PTPRT: variants seen among roughly 807,000 people sequenced by gnomAD.
The protein encoded by PTPRT is protein tyrosine phosphatase receptor type T.
A neutral mutation model predicts 176.8 loss-of-function variants in PTPRT; 56 were observed. That is an observed-to-expected ratio of 0.32 (90% CI 0.26 to 0.40). PTPRT has a LOEUF of 0.40. PTPRT is among the 10% of genes least tolerant of loss of function. The pLI, the probability that PTPRT is intolerant of heterozygous loss-of-function variation, is 1.00. For missense variants in PTPRT, 1,540 were observed against 1,908.2 expected (o/e 0.81, Z 3.60); for synonymous variants, 783 against 739.0 (o/e 1.06, Z -0.96).
intron 7 of PTPRT, among the ~76,000 whole-genome samples, chr20:42,553,006 C>T (rs533961335): frequency 1.3e-5 from 2 of 152,210 alleles, no homozygotes; most frequent in South Asian, 4.1e-4. Flanking sequence ...CAGCCTGGCC[C>T]TTTTTAGTCT....
rs77011968 is a variant in PTPRT at position 42,107,451 on chromosome 20, C to T, written c.3255-530G>A. ...GTGTCATGAAACTGGAGCAGCTGAC[C>T]GTCCGGAGACCCTTGTCAGGGATCA... On this transcript the variant is annotated intron_variant, in intron 23 of 30. Coordinates refer to ENST00000373187, the MANE Select transcript of PTPRT (RefSeq NM_007050.6). 4.9e-4 allele frequency among the ~76,000 whole-genome samples: 75 copies of T among 152,312 alleles called. 3 individuals are homozygous for T. In the East Asian group the frequency reaches 0.011, roughly 23 times the overall value.
At chr20:42,050,915 T>C in the PTPRT span, among the ~76,000 whole-genome samples, 1 of 152,162 alleles carries the variant, frequency 6.6e-6, no homozygotes, top group African/African-American at 2.4e-5. Context: ...AAAACACAAA[T>C]TTATGAAAAT....
intron 7 of PTPRT, among the ~76,000 whole-genome samples, chr20:42,582,817 A>G (rs1336301754): frequency 6.6e-6 from 1 of 152,116 alleles, no homozygotes; most frequent in Non-Finnish European, 1.5e-5. Flanking sequence ...TCCTTTTCCC[A>G]ATCCAAATTT....
In PTPRT at chr20:42,270,291, G is replaced by A. The variant is rs563558701; in HGVS notation, c.2176+12198C>T. On this transcript the variant is annotated intron_variant, in intron 13 of 30. Coordinates refer to ENST00000373187, the MANE Select transcript of PTPRT (RefSeq NM_007050.6). ...GAATGGGTGGGGGGGTGGGTGGGTG[G>A]GTGGGGTGGAAAGACTGCTGATTCC... is the stretch of plus-strand genomic sequence containing the variant. 8 of 980,206 alleles carry A rather than the reference G, an allele frequency of 8.2e-6. No individual in the cohort carries two copies. In the African/African-American group the frequency reaches 1.3e-4, roughly 16 times the overall value. The allele number at this position is 980,206 out of a possible 1,614,324, so 60.7% of individuals were successfully genotyped here.
At chr20:43,172,236 C>G (rs977468060) in intron 1 of PTPRT, among the ~76,000 whole-genome samples, 3 of 152,232 alleles carry the variant, frequency 2.0e-5, no homozygotes, top group African/African-American at 4.8e-5. Flanking sequence ...AGATCCCAGA[C>G]AGTTCCACTA....
chr20:42,284,964 A>G (rs1262756161), intron 12 of PTPRT, among the ~76,000 whole-genome samples: 1 of 151,558 alleles, frequency 6.6e-6, no homozygotes, highest in Non-Finnish European at 1.5e-5. Flanking sequence ...AAAAGATGAA[A>G]AAAAAAAAAA....
intron 7 of PTPRT, among the ~76,000 whole-genome samples, chr20:42,559,382 T>C (rs1025273297): frequency 2.0e-5 from 3 of 152,180 alleles, no homozygotes; most frequent in Non-Finnish European, 4.4e-5. Context: ...ATATGTAACT[T>C]ATGCAAAGCA....
intron 9 of PTPRT, among the ~76,000 whole-genome samples, chr20:42,365,383 T>G (rs1229459093): frequency 6.6e-6 from 1 of 152,180 alleles, no homozygotes; most frequent in Non-Finnish European, 1.5e-5. Flanking sequence ...ATGTGGTGTA[T>G]AGTTGTATAT....
rs368083321 is a variant in PTPRT at position 42,623,832 on chromosome 20, T to C, written c.1153+54034A>G. Among the ~76,000 whole-genome samples, 10 of 151,748 alleles carry C rather than the reference T, an allele frequency of 6.6e-5. No homozygotes were observed. The East Asian group carries it at 1.5e-3, about 24-fold the overall frequency. On this transcript the variant is annotated intron_variant, in intron 7 of 30. Transcript: ENST00000373187. ...CTTGGCTCTTCTCTCAGGCTAACCTTAGCCCCATTTGCTCTGCTAGAATGT... is the reference window on the plus strand; with the variant it reads ...CTTGGCTCTTCTCTCAGGCTAACCTCAGCCCCATTTGCTCTGCTAGAATGT...
rs1049737044 is a variant in PTPRT at position 42,210,398 on chromosome 20, C to G, written c.2343-11010G>C. Among the ~76,000 whole-genome samples the G allele has an allele frequency of 2.4e-4, 37 of 151,776 alleles. No homozygotes were observed. In the South Asian group the frequency reaches 6.9e-3, roughly 28 times the overall value. On this transcript the variant is annotated intron_variant, in intron 15 of 30. Transcript: ENST00000373187. ...TGACATGATTGTATATCTAGAAAAC[C>G]CCATCGTCTCAGCCCAAAATCTCCT...
chr20:42,574,685 G>A (rs981129981), intron 7 of PTPRT, among the ~76,000 whole-genome samples: 4 of 152,110 alleles, frequency 2.6e-5, no homozygotes, highest in African/African-American at 7.2e-5. Flanking sequence ...GTGGGGGTAG[G>A]GGTTGGGCGA....
At chr20:42,829,365 C>G (rs2078050796) in intron 2 of PTPRT, among the ~76,000 whole-genome samples, 1 of 152,176 alleles carries the variant, frequency 6.6e-6, no homozygotes, top group South Asian at 2.1e-4. Context: ...CACCTCATCT[C>G]AGACAAAACT....
intron 16 of PTPRT, among the ~76,000 whole-genome samples, chr20:42,181,127 A>C (rs1990504686): frequency 6.6e-6 from 1 of 152,208 alleles, no homozygotes; most frequent in African/African-American, 2.4e-5. Flanking sequence ...TTTAAATACA[A>C]TATGATACAT....
At chr20:43,161,691 C>A (rs2014705043) in intron 1 of PTPRT, among the ~76,000 whole-genome samples, 1 of 152,100 alleles carries the variant, frequency 6.6e-6, no homozygotes, top group African/African-American at 2.4e-5. Flanking sequence ...GCTGGCTGTT[C>A]CTGATTTTTT....
chr20:42,093,158 G>A (rs1047296225), intron 27 of PTPRT, among the ~76,000 whole-genome samples: 2 of 152,144 alleles, frequency 1.3e-5, no homozygotes, highest in African/African-American at 2.4e-5. Flanking sequence ...AGTATGGTGA[G>A]TATGGCATGA....
rs80280233 is a variant in PTPRT, at chr20:43,176,539, A to G, written c.88+13107T>C. On this transcript the variant is annotated intron_variant, in intron 1 of 30. Transcript: ENST00000373187. ...TTCTCCTTTTCAAAAGCAACAGAAT[A>G]TCACGGACAAAGGCAAAATGCCCTT... 4.0e-3 allele frequency among the ~76,000 whole-genome samples: 612 copies of G among 152,352 alleles called. 4 individuals are homozygous for G. The highest frequency in any genetic ancestry group is 0.014 in the African/African-American group (574 of 41,588).
At chr20:42,961,921 C>A (rs904004228) in intron 1 of PTPRT, among the ~76,000 whole-genome samples, 1 of 152,120 alleles carries the variant, frequency 6.6e-6, no homozygotes, top group Non-Finnish European at 1.5e-5. Flanking sequence ...GAAGCAGAGA[C>A]TGGAATGACG....
At chr20:42,456,325 G>T (rs574856340) in intron 8 of PTPRT, among the ~76,000 whole-genome samples, 1 of 152,028 alleles carries the variant, frequency 6.6e-6, no homozygotes, top group Non-Finnish European at 1.5e-5. Flanking sequence ...AGAGATAATT[G>T]TAGCATCTGT....
In PTPRT at chr20:42,111,411, C is replaced by A. The variant is rs546504164; in HGVS notation, c.3100-924G>T. Among the ~76,000 whole-genome samples the A allele has an allele frequency of 1.8e-4, 28 of 152,282 alleles. No homozygotes were observed. The East Asian group carries it at 5.0e-3, about 27-fold the overall frequency. On this transcript the variant is annotated intron_variant, in intron 22 of 30. Transcript: ENST00000373187. ...TGAGAATAAAAGCCACAGCTCCTAT[C>A]CCTGGAACAGCTCATGGCCTTGTCG...
Sources: gnomAD v4.1 joint callset for allele counts (sites outside exome capture counted in the v4.1 genomes callset) on GRCh38, gnomAD v4.1.1 for gene constraint, MANE v1.5 for transcripts, NCBI Gene and HGNC (gene_info 2026-07-23, HGNC 2026-07-21) for gene names.